Variants in PCDHGA3 observed in about 807,000 individuals in gnomAD.
PCDHGA3 encodes protocadherin gamma-A3.
Under a neutral mutation model 58.5 loss-of-function variants are expected in PCDHGA3, and 40 were observed. The ratio of observed to expected loss-of-function variants is 0.68; its 90% CI spans 0.53 to 0.89. The LOEUF (loss-of-function observed/expected upper bound fraction) is 0.89, where lower values mean the gene tolerates loss of function less well. Ranked by LOEUF, PCDHGA3 falls within the 40% of genes least tolerant of loss-of-function variation. The pLI is 0.00. For synonymous variants in PCDHGA3, 530 were observed against 525.7 expected (o/e 1.01, Z -0.11); for missense variants, 1,223 against 1,195.9 (o/e 1.02, Z -0.33).
Position 141,486,397 on chromosome 5 carries a change from G to A in PCDHGA3, c.2425-8410G>A, listed in dbSNP as rs778989869. The A allele has an allele frequency of 5.0e-6, 8 of 1,614,046 alleles. No individual in the cohort carries two copies. The South Asian group carries it at 7.7e-5, about 16-fold the overall frequency. ...CCTTCAGGAACCAGTTCTCCCTGGT[G>A]ACTGCTGGACCCTTGGATCGAGAGG... On this transcript the variant is annotated intron_variant, in intron 1 of 3. Transcript: ENST00000253812. The surrounding 1 kb of genome is among the most constrained non-coding windows in gnomAD (Gnocchi z 5.0).
intron 1 of PCDHGA3, chr5:141,366,543 C>T (rs1287231126): frequency 6.8e-6 from 11 of 1,614,124 alleles, no homozygotes; most frequent in Non-Finnish European, 8.5e-6. Context: ...GTGCCCGCCT[C>T]GCACTTTGTG....
chr5:141,421,231 G>T (rs1368484504), intron 1 of PCDHGA3: 1 of 1,590,694 alleles, frequency 6.3e-7, no homozygotes, highest in South Asian at 1.1e-5. Context: ...GCCTGCCATG[G>T]CGAATCGGCT....
chr5:141,365,941 T>C (rs1175439180), intron 1 of PCDHGA3: 15 of 1,614,152 alleles, frequency 9.3e-6, no homozygotes, highest in Non-Finnish European at 1.2e-5. Context: ...CCAGCGACAG[T>C]GGGAACCCTC....
intron 1 of PCDHGA3, chr5:141,441,889 GT>G: frequency 2.9e-6 from 1 of 346,022 alleles, no homozygotes; most frequent in South Asian, 2.6e-5. Flanking sequence ...GGTCACCAAG[GT>G]GGTGGCTGTA....
intron 1 of PCDHGA3, chr5:141,408,674 A>T (rs1005052894): frequency 3.1e-6 from 5 of 1,614,000 alleles, no homozygotes; most frequent in Non-Finnish European, 4.2e-6. Flanking sequence ...TGACCCTGCC[A>T]CGGATCCTGA....
At chr5:141,464,618 C>G (rs1425657373) in intron 1 of PCDHGA3, among the ~76,000 whole-genome samples, 2 of 152,092 alleles carry the variant, frequency 1.3e-5, no homozygotes, top group Non-Finnish European at 2.9e-5. Context: ...AGTATATTGT[C>G]AAGCTTTTTA....
At chr5:141,356,890 TA>T in intron 1 of PCDHGA3, 1 of 1,614,214 alleles carries the variant, frequency 6.2e-7, no homozygotes, top group Non-Finnish European at 8.5e-7. Context: ...TGAGATCCTG[TA>T]CCCCACCTTC....
At chr5:141,376,348 C>G in intron 1 of PCDHGA3, 6 of 1,614,184 alleles carry the variant, frequency 3.7e-6, no homozygotes, top group Non-Finnish European at 5.1e-6. Context: ...CCTATTCCCA[C>G]GAGGTCTCAC....
chr5:141,355,880 G>A, intron 1 of PCDHGA3: 1 of 1,613,290 alleles, frequency 6.2e-7, no homozygotes, highest in South Asian at 1.1e-5. Flanking sequence ...GGCACTGCCA[G>A]GATTCTCATA....
At position 141,345,710 on chromosome 5, in the gene PCDHGA3, G is replaced by C. The variant is rs373967163; in HGVS notation, c.1677G>C (p.Ala559=). Residue 559 remains alanine, a synonymous_variant, in exon 1 of 4, where the codon GCG becomes GCC. Coordinates refer to ENST00000253812, the MANE Select transcript of PCDHGA3 (RefSeq NM_018916.4). ...TCGTGCTGGACCAGAACGACAACGCGCCCGAGATCCTGTACCCCGCCCTCC... is the reference window on the plus strand; with the variant it reads ...TCGTGCTGGACCAGAACGACAACGCCCCCGAGATCCTGTACCCCGCCCTCC... The part of the protein sequence containing the change: ...NLFVLDQNDN[A]PEILYPALPT... 3.1e-6 allele frequency: 5 copies of C among 1,614,076 alleles called. No individual in the cohort carries two copies. In the South Asian group the frequency reaches 3.3e-5, roughly 11 times the overall value.
chr5:141,407,047 T>C (rs75652968), intron 1 of PCDHGA3, among the ~76,000 whole-genome samples: 6,428 of 152,316 alleles, frequency 0.042, 220 homozygotes, highest in African/African-American at 0.092. Flanking sequence ...GATCCATAGA[T>C]ACACTGATGA....
chr5:141,425,956 C>T (rs1221085532), intron 1 of PCDHGA3, among the ~76,000 whole-genome samples: 1 of 152,244 alleles, frequency 6.6e-6, no homozygotes, highest in Non-Finnish European at 1.5e-5. Flanking sequence ...ATACATTAGT[C>T]CAACACATCA....
Position 141,485,298 on chromosome 5 carries a change from G to A in PCDHGA3, c.2425-9509G>A, listed in dbSNP as rs1562104502. 1 of 1,613,978 alleles carries A rather than the reference G, an allele frequency of 6.2e-7. No individual in the cohort carries two copies. On this transcript the variant is annotated intron_variant, in intron 1 of 3. Coordinates refer to ENST00000253812, the MANE Select transcript of PCDHGA3 (RefSeq NM_018916.4). This position sits in a 1 kb window ranked among gnomAD's most constrained non-coding sequence, Gnocchi z 5.7. ...CCGGTCCCAGAGGAGTCACAGGAAG[G>A]GACTTTTGTAGGGAATGTCGCTCAA...
chr5:141,423,219 T>G (rs775170753), intron 1 of PCDHGA3: 4 of 1,613,752 alleles, frequency 2.5e-6, no homozygotes, highest in Non-Finnish European at 3.4e-6. Context: ...TCACCGTGGC[T>G]GTGGCCGACA....
At chr5:141,358,103 T>C (rs887608631) in intron 1 of PCDHGA3, among the ~76,000 whole-genome samples, 2 of 152,130 alleles carry the variant, frequency 1.3e-5, no homozygotes, top group African/African-American at 4.8e-5. Context: ...GGCATGAGAA[T>C]TGCTTGAACC....
intron 1 of PCDHGA3, among the ~76,000 whole-genome samples, chr5:141,480,700 C>A (rs1327284592): frequency 1.3e-5 from 2 of 152,192 alleles, no homozygotes; most frequent in Admixed American, 6.5e-5. Flanking sequence ...CCAGGCCACA[C>A]CCCGACAAAT....
intron 1 of PCDHGA3, among the ~76,000 whole-genome samples, chr5:141,446,698 G>A (rs750413432): frequency 2.0e-5 from 3 of 152,186 alleles, no homozygotes; most frequent in Admixed American, 6.5e-5. Flanking sequence ...GGCTGGTCTC[G>A]AACTCTGATC....
intron 2 of PCDHGA3, among the ~76,000 whole-genome samples, chr5:141,502,067 CCTTCACCTGGGG>C (rs1307097799): frequency 6.6e-6 from 1 of 152,172 alleles, no homozygotes; most frequent in Non-Finnish European, 1.5e-5. Flanking sequence ...CCATTAGCCC[CCTTCACCTGGGG>C]CTGAGAACAC....
In PCDHGA3 at chr5:141,351,794, G is replaced by A. The variant is rs762711142; in HGVS notation, c.2424+5337G>A. On this transcript the variant is annotated intron_variant, in intron 1 of 3. Coordinates refer to ENST00000253812, the MANE Select transcript of PCDHGA3 (RefSeq NM_018916.4). ...GAGCCCGCAGAGCGGGGTGGTGTTC[G>A]CGCAGCGCGCCTTCGACCACGAGCA... 35 of 1,613,242 alleles carry A rather than the reference G, an allele frequency of 2.2e-5. No individual in the cohort carries two copies. In the South Asian group the frequency reaches 3.8e-4, roughly 18 times the overall value.
Sources: gnomAD v4.1 joint callset for allele counts (sites outside exome capture counted in the v4.1 genomes callset) on GRCh38, gnomAD v4.1.1 for gene constraint, Gnocchi (gnomAD v3.1) non-coding constraint, MANE v1.5 for transcripts, NCBI Gene and HGNC (gene_info 2026-07-23, HGNC 2026-07-21) for gene names.